Variants in DIP2A observed in about 807,000 individuals in gnomAD.
The protein encoded by DIP2A is disco-interacting protein 2 homolog A.
In DIP2A, 85 loss-of-function variants were observed where a neutral mutation model predicts 177.4. That is an observed-to-expected ratio of 0.48 (90% confidence interval 0.40 to 0.57). DIP2A has a LOEUF of 0.57. Among genes scored for constraint, DIP2A ranks in the 20% least tolerant of loss-of-function variants. The pLI is 0.00. For missense variants in DIP2A, 1,791 were observed against 2,100.2 expected (o/e 0.85, Z 2.88); for synonymous variants, 886 against 881.8 (o/e 1.00, Z -0.08).
intron 6 of DIP2A, among the ~76,000 whole-genome samples, chr21:46,506,930 A>G (rs1346066972): frequency 6.7e-6 from 1 of 150,308 alleles, no homozygotes; most frequent in East Asian, 2.0e-4. Flanking sequence ...TCTCGTGAGT[A>G]GCTGGGATTA....
intron 13 of DIP2A, among the ~76,000 whole-genome samples, chr21:46,535,991 G>A (rs1338067899): frequency 6.6e-6 from 1 of 152,168 alleles, no homozygotes; most frequent in Non-Finnish European, 1.5e-5. Context: ...GACCCAAGTA[G>A]GAAAGGGAGC....
chr21:46,514,163 G>A (rs994875215), intron 8 of DIP2A, among the ~76,000 whole-genome samples: 8 of 151,738 alleles, frequency 5.3e-5, no homozygotes, highest in South Asian at 2.1e-4. Context: ...TGCTGGGCGC[G>A]GTGGCTCACA....
At chr21:46,495,243 T>TCTTCTC (rs773968410) in intron 3 of DIP2A, among the ~76,000 whole-genome samples, 3 of 72,234 alleles carry the variant, frequency 4.2e-5, no homozygotes, top group Non-Finnish European at 4.9e-5. Context: ...TCTTCTCTTC[T>TCTTCTC]TTCTCTCTCT....
At chr21:46,572,863 CAT>C (rs2060977514), downstream of DIP2A, among the ~76,000 whole-genome samples, 2 of 152,222 alleles carry the variant, frequency 1.3e-5, no homozygotes, top group Admixed American at 1.3e-4. Context: ...TAAATTTGGA[CAT>C]GTGTTTAGAT....
At chr21:46,516,659 A>AT (rs1223538980) in intron 8 of DIP2A, among the ~76,000 whole-genome samples, 3 of 151,306 alleles carry the variant, frequency 2.0e-5, no homozygotes, top group Non-Finnish European at 4.4e-5. Flanking sequence ...CACCCAGCTA[A>AT]TTTTTTTGTG....
intron 1 of DIP2A, among the ~76,000 whole-genome samples, chr21:46,481,230 C>T (rs985299402): frequency 3.3e-5 from 5 of 151,980 alleles, no homozygotes; most frequent in Admixed American, 6.6e-5. Context: ...TGTAACCTTT[C>T]GAGAATGGCT....
chr21:46,529,494 G>A (rs533555831), intron 9 of DIP2A, among the ~76,000 whole-genome samples: 8 of 152,028 alleles, frequency 5.3e-5, no homozygotes, highest in African/African-American at 9.6e-5. Flanking sequence ...CCAGCTACCC[G>A]GGAGGCTGAG....
chr21:46,515,179 C>G (rs1422330458), intron 8 of DIP2A, among the ~76,000 whole-genome samples: 2 of 152,230 alleles, frequency 1.3e-5, no homozygotes, highest in Non-Finnish European at 2.9e-5. Context: ...GCGTTCAAAT[C>G]TAGGTCATGC....
rs1250879866 is a variant in DIP2A at position 46,511,358 on chromosome 21, A to G, written c.905-59A>G. ...TATTATAAACTATGAATGCTTAAAA[A>G]CAGAATGTGTTCGTGGTGCTCTGAA... is the stretch of plus-strand genomic sequence containing the variant. On this transcript the variant is annotated intron_variant, in intron 7 of 37. Coordinates refer to ENST00000417564, the MANE Select transcript of DIP2A (RefSeq NM_015151.4). 7 of 1,487,604 alleles carry G rather than the reference A, an allele frequency of 4.7e-6. No individual in the cohort carries two copies. In the Admixed American group the frequency reaches 8.5e-5, roughly 18 times the overall value. The allele number at this position is 1,487,604 out of a possible 1,614,324, so 92.2% of individuals were successfully genotyped here. A position where few individuals can be genotyped will look rare whatever the true frequency, so the allele number is the denominator to read the frequency against.
intron 21 of DIP2A, 74 bp from the exon 22 acceptor site, chr21:46,549,697 T>C (rs1467878490): frequency 3.2e-6 from 5 of 1,584,294 alleles, no homozygotes; most frequent in Non-Finnish European, 3.4e-6. Flanking sequence ...GCCTCTTCCA[T>C]CGTGAGGGTG....
At chr21:46,555,057 A>C (rs1446766348) in intron 28 of DIP2A, 124 bp downstream of exon 28, 5 of 1,015,398 alleles carry the variant, frequency 4.9e-6, no homozygotes, top group Admixed American at 2.2e-5. Flanking sequence ...AGCCTGGCTG[A>C]CAGCAGGGGG....
At chr21:46,494,439 G>C (rs1483657928) in intron 3 of DIP2A, among the ~76,000 whole-genome samples, 1 of 152,194 alleles carries the variant, frequency 6.6e-6, no homozygotes, top group Non-Finnish European at 1.5e-5. Flanking sequence ...ACTCTTGGCT[G>C]TTCACTGTGG....
chr21:46,544,214 A>T (rs968446970), intron 18 of DIP2A, among the ~76,000 whole-genome samples: 2 of 152,002 alleles, frequency 1.3e-5, no homozygotes, highest in Admixed American at 1.3e-4. Flanking sequence ...GGTAGGGTGC[A>T]CTTAAGTAAA....
chr21:46,459,259 C>G, intron 1 of DIP2A, 37 bp downstream of exon 1: 1 of 1,490,530 alleles, frequency 6.7e-7, no homozygotes, highest in Non-Finnish European at 9.0e-7. Flanking sequence ...CGCGACCCGC[C>G]CTCAGCCCGG....
chr21:46,577,081 G>C, the DIP2A span, among the ~76,000 whole-genome samples: 1 of 152,114 alleles, frequency 6.6e-6, no homozygotes, highest in African/African-American at 2.4e-5. Flanking sequence ...TAGGTGGTCT[G>C]TTTGCTCTGA....
chr21:46,524,877 T>C (rs1354651504), intron 8 of DIP2A, among the ~76,000 whole-genome samples: 969 of 40,246 alleles, frequency 0.024, 18 homozygotes, highest in African/African-American at 0.1. Context: ...TTTTGCTTTT[T>C]TTTTTTTTTT....
At chr21:46,559,495 A>C (rs1010370711) in intron 32 of DIP2A, among the ~76,000 whole-genome samples, 6 of 152,184 alleles carry the variant, frequency 3.9e-5, no homozygotes, top group African/African-American at 1.4e-4. Flanking sequence ...CTGACCACTC[A>C]AGCCTCAGAC....
chr21:46,510,716 C>T (rs978217433), intron 7 of DIP2A, among the ~76,000 whole-genome samples: 1 of 149,442 alleles, frequency 6.7e-6, no homozygotes, highest in African/African-American at 2.5e-5. Flanking sequence ...CTTCAAGCTC[C>T]ACCTCCTGAG....
chr21:46,477,543 T>TTTTGTGTGTGTGTGTGTGTGTGTGTGTG (rs374607636), intron 1 of DIP2A, among the ~76,000 whole-genome samples: 3,225 of 86,922 alleles, frequency 0.037, 131 homozygotes, highest in Non-Finnish European at 0.048. Context: ...AAAAAAAGAT[T>TTTTGTGTGTGTGTGTGTGTGTGTGTGTG]TGTGTGTGTG....
Sources: allele counts gnomAD v4.1 joint callset (sites outside exome capture counted in the v4.1 genomes callset), GRCh38; gene constraint gnomAD v4.1.1; transcripts MANE v1.5; gene names NCBI Gene and HGNC (gene_info 2026-07-23, HGNC 2026-07-21).